Variants in TMEM132D observed in about 807,000 individuals in gnomAD.
TMEM132D encodes mature OL transmembrane protein.
In TMEM132D, 21 loss-of-function variants were observed where a neutral mutation model predicts 62.3. The ratio of observed to expected loss-of-function variants is 0.34; its 90% confidence interval spans 0.24 to 0.49. The LOEUF (loss-of-function observed/expected upper bound fraction) is 0.49. TMEM132D is among the 20% of genes least tolerant of loss of function. The pLI is 0.99. For missense variants in TMEM132D, 1,346 were observed against 1,402.8 expected (o/e 0.96, Z 0.65); for synonymous variants, 621 against 575.6 (o/e 1.08, Z -1.13).
intron 3 of TMEM132D, among the ~76,000 whole-genome samples, chr12:129,475,190 A>C (rs191622321): frequency 6.6e-6 from 1 of 152,222 alleles, no homozygotes; most frequent in East Asian, 1.9e-4. Flanking sequence ...AGTGACATGG[A>C]AATTGAGGCA....
At chr12:129,835,220 T>C (rs2137338103) in intron 1 of TMEM132D, among the ~76,000 whole-genome samples, 1 of 152,318 alleles carries the variant, frequency 6.6e-6, no homozygotes, top group Middle Eastern at 3.4e-3. Flanking sequence ...CTGGGGTTAA[T>C]GACAGTCTGT....
intron 4 of TMEM132D, among the ~76,000 whole-genome samples, chr12:129,300,348 T>C (rs1881682209): frequency 6.6e-6 from 1 of 152,188 alleles, no homozygotes; most frequent in Non-Finnish European, 1.5e-5. Flanking sequence ...TCTATTGAGA[T>C]AAAAAGACAT....
intron 3 of TMEM132D, among the ~76,000 whole-genome samples, chr12:129,491,068 C>T (rs1874779311): frequency 6.6e-6 from 1 of 152,094 alleles, no homozygotes. Context: ...TCTAAAAGTA[C>T]CAAATATACG....
At chr12:129,076,656 A>T (rs1874266334) in intron 8 of TMEM132D, among the ~76,000 whole-genome samples, 1 of 152,226 alleles carries the variant, frequency 6.6e-6, no homozygotes, top group Non-Finnish European at 1.5e-5. Flanking sequence ...AGGTTCTCTC[A>T]ATCGGCCATG....
intron 1 of TMEM132D, among the ~76,000 whole-genome samples, chr12:129,767,138 A>G (rs1241108793): frequency 1.3e-5 from 2 of 152,204 alleles, no homozygotes; most frequent in Admixed American, 1.3e-4. Flanking sequence ...TTCCAGGAGA[A>G]GCCAAGAAGC....
Position 129,269,495 on chromosome 12 carries a change from C to T in TMEM132D, c.1300-59832G>A, listed in dbSNP as rs138993244. On this transcript the variant is annotated intron_variant, in intron 4 of 8. Coordinates refer to ENST00000422113, the MANE Select transcript of TMEM132D (RefSeq NM_133448.3). ...TGCTAGCCCTGTCTCAACACTCTGG[C>T]TTAGAATGGTGCTTGGCACATAGAC... is the stretch of plus-strand genomic sequence containing the variant. 3.6e-3 allele frequency among the ~76,000 whole-genome samples: 555 copies of T among 152,162 alleles called. 1 individual carries two copies. The highest frequency in any genetic ancestry group is 5.6e-3 in the Non-Finnish European group (383 of 68,020).
chr12:129,498,506 A>C (rs910477739), intron 3 of TMEM132D, among the ~76,000 whole-genome samples: 2 of 152,042 alleles, frequency 1.3e-5, no homozygotes, highest in Non-Finnish European at 2.9e-5. Flanking sequence ...CACCCGCCTC[A>C]GCCTCCTAAA....
In TMEM132D at chr12:129,309,883, T is replaced by C. The variant is rs371841268; in HGVS notation, c.1299+27751A>G. Among the ~76,000 whole-genome samples the C allele has an allele frequency of 7.2e-5, 11 of 152,078 alleles. No individual in the cohort carries two copies. In the East Asian group the frequency reaches 1.7e-3, roughly 24 times the overall value. The stretch of plus-strand genomic sequence containing the variant: ...TATAAGAAAATAGATACAAAAGCCA[T>C]GGTAGAGTCGTCCTCTGCAGCTGGA... On this transcript the variant is annotated intron_variant, in intron 4 of 8. Transcript: ENST00000422113.
At chr12:129,356,827 T>C (rs1296935378) in intron 3 of TMEM132D, among the ~76,000 whole-genome samples, 6 of 150,432 alleles carry the variant, frequency 4.0e-5, no homozygotes. Context: ...ATTGTGCCAC[T>C]GCACTCCAGC....
intron 1 of TMEM132D, among the ~76,000 whole-genome samples, chr12:129,861,543 C>T (rs1286853406): frequency 1.3e-5 from 2 of 152,140 alleles, no homozygotes; most frequent in Non-Finnish European, 2.9e-5. Context: ...GGTGAATCAC[C>T]TGAGGACAGT....
At chr12:129,560,112 T>C (rs565027085) in intron 2 of TMEM132D, among the ~76,000 whole-genome samples, 77 of 152,328 alleles carry the variant, frequency 5.1e-4, no homozygotes, top group Non-Finnish European at 9.4e-4. Context: ...TGGCAATATG[T>C]AGATTTCTAG....
intron 5 of TMEM132D, among the ~76,000 whole-genome samples, chr12:129,099,830 TA>T (rs1198904826): frequency 1.6e-5 from 2 of 128,192 alleles, no homozygotes; most frequent in Non-Finnish European, 3.0e-5. Context: ...TTTTTATTTT[TA>T]TTTTTATTTT....
rs1466094552 is a variant in TMEM132D, at chr12:129,138,124, CCCT to C, written c.1444-53425_1444-53423del. 2.6e-5 allele frequency among the ~76,000 whole-genome samples: 4 copies of C among 152,070 alleles called. No homozygotes were observed. The East Asian group carries it at 5.8e-4, about 22-fold the overall frequency. On this transcript the variant is annotated intron_variant, in intron 5 of 8. Transcript: ENST00000422113. ...TGAGTTAAATATGATCTAGAAGGTA[CCCT>C]CCCAGGGTAAAGAAGGGCAACTGTT...
At chr12:129,180,038 TA>T (rs57566666) in intron 5 of TMEM132D, among the ~76,000 whole-genome samples, 22,235 of 144,078 alleles carry the variant, frequency 0.15, 1,667 homozygotes, top group African/African-American at 0.21. Flanking sequence ...AAAAAGAAAA[TA>T]AAAAAAAAAA....
intron 1 of TMEM132D, among the ~76,000 whole-genome samples, chr12:129,828,423 T>G (rs1183611972): frequency 6.6e-6 from 1 of 151,968 alleles, no homozygotes; most frequent in African/African-American, 2.4e-5. Context: ...TAAATAATGT[T>G]AACAATTCTG....
chr12:129,102,535 ACACACATG>A (rs950774750), intron 5 of TMEM132D, among the ~76,000 whole-genome samples: 3 of 151,990 alleles, frequency 2.0e-5, no homozygotes, highest in Non-Finnish European at 4.4e-5. Flanking sequence ...CACAACACAC[ACACACATG>A]CACACACATA....
intron 4 of TMEM132D, among the ~76,000 whole-genome samples, chr12:129,226,881 C>A (rs118156596): frequency 0.014 from 2,132 of 152,290 alleles, 31 homozygotes; most frequent in Middle Eastern, 0.024. Flanking sequence ...ACCCCACAAC[C>A]CCTGCTGTCT....
intron 3 of TMEM132D, among the ~76,000 whole-genome samples, chr12:129,523,750 G>A (rs1875925961): frequency 6.6e-6 from 1 of 152,200 alleles, no homozygotes; most frequent in Non-Finnish European, 1.5e-5. Flanking sequence ...GAGATTGAAT[G>A]AGCGTCAGGA....
chr12:129,528,347 G>A (rs1206409129), intron 3 of TMEM132D, among the ~76,000 whole-genome samples: 2 of 147,458 alleles, frequency 1.4e-5, no homozygotes, highest in Admixed American at 6.9e-5. Flanking sequence ...GATAAAAGTT[G>A]AATATATGAA....
Sources: allele counts gnomAD v4.1 joint callset (sites outside exome capture counted in the v4.1 genomes callset), GRCh38; gene constraint gnomAD v4.1.1; transcripts MANE v1.5; gene names NCBI Gene and HGNC (gene_info 2026-07-23, HGNC 2026-07-21).